TMEM117: variants seen among roughly 807,000 people sequenced by gnomAD.
TMEM117 encodes the protein transmembrane protein 117.
In TMEM117, 27 loss-of-function variants were observed where a neutral mutation model predicts 52.4. The observed-to-expected ratio is 0.51, with a 90% confidence interval of 0.38 to 0.71. The LOEUF (loss-of-function observed/expected upper bound fraction) is 0.71, where lower values mean the gene tolerates loss of function less well. Among genes scored for constraint, TMEM117 ranks in the 30% least tolerant of loss-of-function variants. The pLI is 0.00. For synonymous variants in TMEM117, 215 were observed against 206.3 expected (o/e 1.04, Z -0.36); for missense variants, 556 against 630.5 (o/e 0.88, Z 1.26).
the TMEM117 span, among the ~76,000 whole-genome samples, chr12:43,812,965 G>A: frequency 2.1e-3 from 311 of 151,334 alleles, 2 homozygotes; most frequent in African/African-American, 6.9e-3. Context: ...ACGATCATGT[G>A]CACTATACTC....
At chr12:44,170,137 C>T (rs1400351722) in intron 4 of TMEM117, among the ~76,000 whole-genome samples, 2 of 151,866 alleles carry the variant, frequency 1.3e-5, no homozygotes, top group East Asian at 3.9e-4. Flanking sequence ...CGTTCATGTC[C>T]TTTATAGGGA....
rs533792759 is a variant in TMEM117, at chr12:43,992,646, A to T, written c.410+48304A>T. 3.3e-5 allele frequency among the ~76,000 whole-genome samples: 5 copies of T among 152,198 alleles called. No homozygotes were observed. The East Asian group carries it at 5.8e-4, about 18-fold the overall frequency. ...ACTTTGTGTCCAAATTCTGAAATAG[A>T]CAGTGTTCCAGCTCTCCATGCTCTC... On this transcript the variant is annotated intron_variant, in intron 3 of 7. Transcript: ENST00000266534.
intron 2 of TMEM117, among the ~76,000 whole-genome samples, chr12:43,877,039 C>G (rs1943809317): frequency 6.6e-6 from 1 of 152,108 alleles, no homozygotes; most frequent in South Asian, 2.1e-4. Flanking sequence ...GTGTGTCTAA[C>G]ATAATTTATT....
chr12:43,973,516 C>T (rs1399329704), intron 3 of TMEM117, among the ~76,000 whole-genome samples: 4 of 152,184 alleles, frequency 2.6e-5, no homozygotes, highest in Non-Finnish European at 4.4e-5. Flanking sequence ...AGAGTAACCT[C>T]ACAGGTGAAA....
intron 3 of TMEM117, among the ~76,000 whole-genome samples, chr12:44,136,563 G>A (rs1449402836): frequency 1.3e-5 from 2 of 151,780 alleles, no homozygotes; most frequent in African/African-American, 2.4e-5. Flanking sequence ...AATATATTTT[G>A]TTTCCTTTTT....
intron 6 of TMEM117, among the ~76,000 whole-genome samples, chr12:44,351,021 G>A (rs2050229439): frequency 6.6e-6 from 1 of 151,968 alleles, no homozygotes; most frequent in South Asian, 2.1e-4. Context: ...ATCTTCTCCA[G>A]CATTTGCTAT....
chr12:44,306,893 A>G (rs1175046746), intron 6 of TMEM117, among the ~76,000 whole-genome samples: 1 of 152,230 alleles, frequency 6.6e-6, no homozygotes, highest in Non-Finnish European at 1.5e-5. Flanking sequence ...GTTAGGTGTT[A>G]AAAAGCACTC....
intron 5 of TMEM117, among the ~76,000 whole-genome samples, chr12:44,234,886 TCTC>T (rs1186718966): frequency 1.3e-5 from 2 of 151,516 alleles, no homozygotes; most frequent in African/African-American, 2.4e-5. Flanking sequence ...TTTTTGAAAA[TCTC>T]CTGATATGTT....
At chr12:43,864,883 G>A (rs528713238) in intron 2 of TMEM117, among the ~76,000 whole-genome samples, 1 of 151,976 alleles carries the variant, frequency 6.6e-6, no homozygotes. Flanking sequence ...GCCTTTATGA[G>A]CTGTAACACT....
chr12:44,042,330 T>C (rs1200433182), intron 3 of TMEM117, among the ~76,000 whole-genome samples: 1 of 150,546 alleles, frequency 6.6e-6, no homozygotes, highest in Non-Finnish European at 1.5e-5. Context: ...TACTTATTTA[T>C]TTAAAAAAAC....
chr12:44,019,528 C>A (rs1946424112), intron 3 of TMEM117, among the ~76,000 whole-genome samples: 1 of 152,132 alleles, frequency 6.6e-6, no homozygotes, highest in Non-Finnish European at 1.5e-5. Flanking sequence ...TTTCTCTCCT[C>A]TTCCTCCTCA....
intron 3 of TMEM117, among the ~76,000 whole-genome samples, chr12:44,131,462 T>C (rs956691874): frequency 1.3e-5 from 2 of 152,160 alleles, no homozygotes; most frequent in East Asian, 3.8e-4. Flanking sequence ...CATTCTGTAG[T>C]TGTGGGGTGA....
chr12:44,381,851 T>C (rs899806309), intron 7 of TMEM117, among the ~76,000 whole-genome samples: 8 of 152,038 alleles, frequency 5.3e-5, no homozygotes, highest in African/African-American at 1.2e-4. Context: ...AATCAGGCCA[T>C]GAGAAGGCTG....
chr12:43,965,275 T>C (rs1469587253), intron 3 of TMEM117, among the ~76,000 whole-genome samples: 1 of 152,230 alleles, frequency 6.6e-6, no homozygotes, highest in Non-Finnish European at 1.5e-5. Context: ...AGTTGAGCCT[T>C]ATCTTGACAT....
intron 5 of TMEM117, among the ~76,000 whole-genome samples, chr12:44,298,570 A>G (rs1012494082): frequency 2.0e-5 from 3 of 150,842 alleles, no homozygotes; most frequent in Admixed American, 2.0e-4. Context: ...ATTAAAGACT[A>G]ATTTGAGTAT....
At chr12:43,898,243 T>G (rs977046380) in intron 2 of TMEM117, among the ~76,000 whole-genome samples, 2 of 152,068 alleles carry the variant, frequency 1.3e-5, no homozygotes, top group Admixed American at 6.6e-5. Context: ...TGAGTTCTTG[T>G]GACTTTATTT....
chr12:44,193,432 G>A (rs1043934138), intron 4 of TMEM117, among the ~76,000 whole-genome samples: 2 of 152,180 alleles, frequency 1.3e-5, no homozygotes, highest in African/African-American at 4.8e-5. Flanking sequence ...GACAGGTAAT[G>A]AGTAGGACTG....
At chr12:44,190,720 T>C (rs1949340205) in intron 4 of TMEM117, among the ~76,000 whole-genome samples, 1 of 151,978 alleles carries the variant, frequency 6.6e-6, no homozygotes, top group African/African-American at 2.4e-5. Context: ...GGCACAACCA[T>C]ATCTGAACTG....
intron 3 of TMEM117, among the ~76,000 whole-genome samples, chr12:44,102,629 T>C (rs1947881638): frequency 6.6e-6 from 1 of 152,002 alleles, no homozygotes; most frequent in African/African-American, 2.4e-5. Context: ...TAAAATGCAG[T>C]ACAAACAAAA....
Sources: gnomAD v4.1 joint callset for allele counts (sites outside exome capture counted in the v4.1 genomes callset) on GRCh38, gnomAD v4.1.1 for gene constraint, MANE v1.5 for transcripts, NCBI Gene and HGNC (gene_info 2026-07-23, HGNC 2026-07-21) for gene names.